Variants in FMR1 observed in about 807,000 individuals in gnomAD.
FMR1 encodes the protein fragile X messenger ribonucleoprotein 1, also known as FMRP translational regulator 1.
A neutral mutation model predicts 50.6 loss-of-function variants in FMR1; 13 were observed. The ratio of observed to expected loss-of-function variants is 0.26; its 90% CI spans 0.17 to 0.41. The LOEUF (loss-of-function observed/expected upper bound fraction) is 0.41, where lower values mean the gene tolerates loss of function less well. Ranked by LOEUF, FMR1 falls within the 10% of genes least tolerant of loss-of-function variation. The probability of loss-of-function intolerance (pLI) is 1.00; values close to 1 mark genes in which losing one functional copy is unlikely to be tolerated. For missense variants in FMR1, 316 were observed against 491.3 expected (o/e 0.64, Z 3.37); for synonymous variants, 138 against 164.1 (o/e 0.84, Z 1.22).
At chrX:147,918,512 AC>A (rs1237168685) in intron 1 of FMR1, among the ~76,000 whole-genome samples, 2 of 100,364 alleles carry the variant, frequency 2.0e-5, no homozygotes, top group Non-Finnish European at 2.0e-5. Flanking sequence ...CTCTGACACT[AC>A]ATCCGGAAAT....
rs1171960247 is a variant in FMR1, at chrX:147,948,630, A to G, written c.1738-53A>G. The G allele has an allele frequency of 4.1e-6, 5 of 1,208,155 alleles. No individual in the cohort carries two copies. The African/African-American group carries it at 8.7e-5, about 21-fold the overall frequency. On this transcript the variant is annotated intron_variant, in intron 16 of 16. Transcript: ENST00000370475. Reference sequence around the variant, plus strand: ...GTTTAAATTTCTTGTCAGGCCAATTACAGATTACAGTAGGATATGGTCTGT... The same window carrying G: ...GTTTAAATTTCTTGTCAGGCCAATTGCAGATTACAGTAGGATATGGTCTGT...
Position 147,944,877 on chromosome X carries a change from T to A in FMR1, c.1480T>A (p.Ser494Thr). ...RGPGYTSGTN[S>T]EASNASETES... ...CTTTTAACTCTCGATAGGAACTAAT[T>A]CTGAAGCATCAAATGCTTCTGAAAC... Residue 494 changes from serine (S) to threonine (T), a missense_variant, in exon 15 of 17, where the codon TCT becomes ACT. Physicochemically the swap from Ser to Thr is moderately conservative, Grantham distance 58. This residue lies in a region of FMR1 where 124 missense variants were observed against 160.8 expected (regional missense o/e 0.77). Coordinates refer to ENST00000370475, the MANE Select transcript of FMR1 (RefSeq NM_002024.6). 8.3e-7 allele frequency: 1 copy of A among 1,208,653 alleles called. No homozygotes were observed. The highest frequency in any genetic ancestry group is 1.1e-6 in the Non-Finnish European group (1 of 894,504).
rs781949021 is a variant in FMR1 at position 147,921,474 on chromosome X, T to TATAG, written c.52-444_52-441dup. 7.7e-3 allele frequency among the ~76,000 whole-genome samples: 842 copies of TATAG among 109,786 alleles called. 7 individuals are homozygous for TATAG. The highest frequency in any genetic ancestry group is 0.026 in the African/African-American group (799 of 30,271). On this transcript the variant is annotated intron_variant, in intron 1 of 16. Transcript: ENST00000370475. ...ATTTGTGTGTGCGTATATATATATA[T>TATAG]ATAGATAGATAGATAGATTTGAGGT...
At chrX:147,935,258 G>T (rs1360613814) in intron 9 of FMR1, among the ~76,000 whole-genome samples, 1 of 111,971 alleles carries the variant, frequency 8.9e-6, no homozygotes, top group Non-Finnish European at 1.9e-5. Flanking sequence ...AATGGTGTCA[G>T]ATCTGTTCTA....
Position 147,950,932 on chromosome X carries a change from C to A in FMR1, c.*2088C>A, listed in dbSNP as rs1557183651. On this transcript the variant is annotated 3_prime_UTR_variant, in exon 17 of 17. Transcript: ENST00000370475. ...AAATGTGAATTACTAACTTCTAAAA[C>A]TGTACTTTGATTCACATGTTTTCAA... The A allele has an allele frequency of 7.1e-6, 2 of 281,212 alleles. No homozygotes were observed. Among genetic ancestry groups the A allele is most frequent in the South Asian group, 3.4e-5 (1 of 29,764 alleles). 23.2% of individuals were successfully genotyped at this position (281,212 alleles called of 1,213,427 possible). A position where few individuals can be genotyped will look rare whatever the true frequency, so the allele number is the denominator to read the frequency against.
chrX:147,917,777 C>A (rs1238760037), intron 1 of FMR1, among the ~76,000 whole-genome samples: 1 of 111,194 alleles, frequency 9.0e-6, no homozygotes, highest in Non-Finnish European at 1.9e-5. Context: ...GGAGGCTGGT[C>A]GAGTTCCTTA....
At chrX:147,928,991 T>C (rs1401360037) in intron 5 of FMR1, among the ~76,000 whole-genome samples, 184 bp downstream of exon 5, 3 of 112,310 alleles carry the variant, frequency 2.7e-5, no homozygotes, top group Non-Finnish European at 3.8e-5. Context: ...TTCCTACTTA[T>C]AGAATCAAGG....
chrX:147,932,408 C>T lies in FMR1; in HGVS notation c.631-17C>T, dbSNP rs782590543. 5.8e-6 allele frequency: 7 copies of T among 1,202,798 alleles called. No homozygotes were observed. Among genetic ancestry groups the T allele is most frequent in the East Asian group, 5.9e-5 (2 of 33,776 alleles). On this transcript the variant is annotated splice_polypyrimidine_tract_variant and intron_variant, in intron 7 of 16. Transcript: ENST00000370475. Reference sequence around the variant, plus strand: ...TAGTTGATAAAGTGTATTCATCAGACGTCCATTTCTCTTCAGAGTTCAAGG... The same window carrying T: ...TAGTTGATAAAGTGTATTCATCAGATGTCCATTTCTCTTCAGAGTTCAAGG...
At chrX:147,924,518 T>A (rs1232402434) in intron 2 of FMR1, among the ~76,000 whole-genome samples, 5 of 102,746 alleles carry the variant, frequency 4.9e-5, no homozygotes, top group South Asian at 4.4e-4. Context: ...TATATATATT[T>A]TTTTTTTTTT....
rs1342002321 is a variant in FMR1 at position 147,930,261 on chromosome X, A to G, written c.630+17A>G. The G allele has an allele frequency of 1.0e-6, 1 of 972,972 alleles. No homozygotes were observed. The highest frequency in any genetic ancestry group is 1.5e-6 in the Non-Finnish European group (1 of 679,268). The allele number at this position is 972,972 out of a possible 1,213,427, so 80.2% of individuals were successfully genotyped here. A position where few individuals can be genotyped will look rare whatever the true frequency, so the allele number is the denominator to read the frequency against. The stretch of plus-strand genomic sequence containing the variant: ...CAGCTGGAGGTATGTCACTTTCCCT[A>G]GCACTGCTTGTAAGGGTACCTAGGA... On this transcript the variant is annotated intron_variant, in intron 7 of 16. Coordinates refer to ENST00000370475, the MANE Select transcript of FMR1 (RefSeq NM_002024.6).
chrX:147,922,388 CTAGTA>C (rs1408572483), intron 2 of FMR1, among the ~76,000 whole-genome samples: 1 of 110,766 alleles, frequency 9.0e-6, no homozygotes, highest in Non-Finnish European at 1.9e-5. Context: ...TTTTAGTTGT[CTAGTA>C]TATTTTATGG....
Position 147,912,072 on chromosome X carries a change from C to T in FMR1, c.-108C>T. 2 of 299,860 alleles carry T rather than the reference C, an allele frequency of 6.7e-6. No individual in the cohort carries two copies. Among genetic ancestry groups the T allele is most frequent in the Non-Finnish European group, 8.7e-6 (2 of 228,979 alleles). 24.7% of individuals were successfully genotyped at this position (299,860 alleles called of 1,213,427 possible). A position where few individuals can be genotyped will look rare whatever the true frequency, so the allele number is the denominator to read the frequency against. On this transcript the variant is annotated 5_prime_UTR_variant, in exon 1 of 17. Coordinates refer to ENST00000370475, the MANE Select transcript of FMR1 (RefSeq NM_002024.6). Reference sequence around the variant, plus strand: ...AGCGCGGCGGCGGCGGCGGCGGCGGCGGCGGCGGAGGCGGCGGCGGCGGCG... The same window carrying T: ...AGCGCGGCGGCGGCGGCGGCGGCGGTGGCGGCGGAGGCGGCGGCGGCGGCG...
Position 147,943,208 on chromosome X carries a change from A to G in FMR1, c.1353A>G (p.Pro451=), listed in dbSNP as rs782625391. The change falls in exon 14 of 17, where the codon CCA becomes CCG. Residue 451 remains proline, a synonymous_variant. Transcript: ENST00000370475. The part of the protein sequence containing the change: ...LRQIGASSRP[P]PNRTDKEKSY... The stretch of plus-strand genomic sequence containing the variant: ...AGATTGGAGCTAGTTCTAGACCACC[A>G]CCAAATCGTACAGATAAGGAAAAAA... 8.3e-7 allele frequency: 1 copy of G among 1,209,748 alleles called. No individual in the cohort carries two copies. Among genetic ancestry groups the G allele is most frequent in the Non-Finnish European group, 1.1e-6 (1 of 893,802 alleles).
At chrX:147,922,484 C>T (rs2043213915) in intron 2 of FMR1, among the ~76,000 whole-genome samples, 1 of 110,614 alleles carries the variant, frequency 9.0e-6, no homozygotes, top group Non-Finnish European at 1.9e-5. Context: ...CTTTTCTGTT[C>T]TCTTTTGCTA....
At chrX:147,945,747 A>G (rs2044150053) in intron 16 of FMR1, 131 bp downstream of exon 16, 2 of 526,123 alleles carry the variant, frequency 3.8e-6, no homozygotes, top group Non-Finnish European at 6.6e-6. Flanking sequence ...TTTTACCTTC[A>G]ACATTACAAT....
Position 147,950,079 on chromosome X carries a change from A to G in FMR1, c.*1235A>G. On this transcript the variant is annotated 3_prime_UTR_variant, in exon 17 of 17. Transcript: ENST00000370475. ...TGTTGGGGTTTGGTTTTGTTTTTTGAGTCTTTTTTTTTTAAGTGAAATTTA... is the reference window on the plus strand; with the variant it reads ...TGTTGGGGTTTGGTTTTGTTTTTTGGGTCTTTTTTTTTTAAGTGAAATTTA... The G allele has an allele frequency of 3.1e-6, 1 of 319,002 alleles. No individual in the cohort carries two copies. Among genetic ancestry groups the G allele is most frequent in the Non-Finnish European group, 6.0e-6 (1 of 166,855 alleles). The allele number at this position is 319,002 out of a possible 1,213,427, so 26.3% of individuals were successfully genotyped here. A position where few individuals can be genotyped will look rare whatever the true frequency, so the allele number is the denominator to read the frequency against.
At chrX:147,927,315 A>G (rs1332014581) in intron 3 of FMR1, among the ~76,000 whole-genome samples, 4 of 111,834 alleles carry the variant, frequency 3.6e-5, no homozygotes, top group African/African-American at 1.3e-4. Flanking sequence ...CATTGCTAGG[A>G]TGACCTCACT....
intron 7 of FMR1, 122 bp from the exon 8 acceptor site, chrX:147,932,303 A>T: frequency 1.6e-6 from 1 of 641,040 alleles, no homozygotes; most frequent in South Asian, 2.5e-5. Context: ...GTTTTAACCT[A>T]AAACTATTAA....
At chrX:147,926,763 C>T (rs782817388) in intron 3 of FMR1, among the ~76,000 whole-genome samples, 5 of 111,780 alleles carry the variant, frequency 4.5e-5, no homozygotes, top group Admixed American at 1.9e-4. Flanking sequence ...GCTGGGATTA[C>T]AGATGTGAGC....
Sources: gnomAD v4.1 joint callset for allele counts (sites outside exome capture counted in the v4.1 genomes callset) on GRCh38, gnomAD v4.1.1 for gene constraint, gnomAD v4.1.1 regional missense constraint, MANE v1.5 for transcripts, NCBI Gene and HGNC (gene_info 2026-07-23, HGNC 2026-07-21) for gene names.